Variants in ELOVL7 observed in about 807,000 individuals in gnomAD.
The protein encoded by ELOVL7 is ELOVL fatty acid elongase 7.
ELOVL7 carries 27 observed loss-of-function variants against 35.7 expected under a neutral mutation model. That is an observed-to-expected ratio of 0.76 (90% CI 0.56 to 1.04). The LOEUF (loss-of-function observed/expected upper bound fraction) is 1.04. Ranked by LOEUF, ELOVL7 falls within the 50% of genes least tolerant of loss-of-function variation. ELOVL7 has a pLI of 0.00. For synonymous variants in ELOVL7, 113 were observed against 114.6 expected (o/e 0.99, Z 0.09); for missense variants, 327 against 340.8 (o/e 0.96, Z 0.32).
At chr5:60,842,194 A>T (rs1747213375) in intron 1 of ELOVL7, among the ~76,000 whole-genome samples, 1 of 152,170 alleles carries the variant, frequency 6.6e-6, no homozygotes, top group Non-Finnish European at 1.5e-5. Flanking sequence ...TGAAGAGAGG[A>T]TGGGAGTGGG....
chr5:60,772,243 G>C, intron 3 of ELOVL7, 150 bp from the exon 4 acceptor site: 1 of 581,512 alleles, frequency 1.7e-6, no homozygotes, highest in South Asian at 2.5e-5. Context: ...AGGTGAAAAA[G>C]AAATCAACAG....
chr5:60,783,929 T>A (rs1233451216), intron 3 of ELOVL7, among the ~76,000 whole-genome samples: 1 of 152,084 alleles, frequency 6.6e-6, no homozygotes, highest in African/African-American at 2.4e-5. Flanking sequence ...AGATTTGGTT[T>A]AAGTGTCATG....
chr5:60,792,884 G>A (rs960945289), intron 2 of ELOVL7, among the ~76,000 whole-genome samples: 1 of 152,134 alleles, frequency 6.6e-6, no homozygotes, highest in Non-Finnish European at 1.5e-5. Flanking sequence ...CAAGAGAACT[G>A]GATAGAGAAG....
chr5:60,784,241 A>G, intron 3 of ELOVL7: 1 of 868,196 alleles, frequency 1.2e-6, no homozygotes, highest in Admixed American at 2.5e-5. Context: ...ATGTACCTTA[A>G]GTACTTTTTG....
At chr5:60,772,645 C>A (rs968651178) in intron 3 of ELOVL7, among the ~76,000 whole-genome samples, 1 of 152,144 alleles carries the variant, frequency 6.6e-6, no homozygotes, top group Non-Finnish European at 1.5e-5. Flanking sequence ...CCCAACTCCA[C>A]TCTCCTCCCT....
chr5:60,766,707 T>C (rs992469407), intron 5 of ELOVL7, 77 bp from the exon 6 acceptor site: 9 of 1,263,492 alleles, frequency 7.1e-6, no homozygotes, highest in Non-Finnish European at 5.7e-6. Flanking sequence ...TGGTAAAATA[T>C]GCATACCATA....
rs111592098 is a variant in ELOVL7, at chr5:60,787,741, A to G, written c.-34-310T>C. Among the ~76,000 whole-genome samples, 1,134 of 152,342 alleles carry G rather than the reference A, an allele frequency of 7.4e-3. 16 individuals are homozygous for G. Among genetic ancestry groups the G allele is most frequent in the African/African-American group, 0.025 (1,057 of 41,582 alleles). On this transcript the variant is annotated intron_variant, in intron 2 of 8. Transcript: ENST00000508821. ...GGAGCAGCTCCCTTTTATGCTGACA[A>G]CATAATTCAGGAACGGACTGCACTT...
At chr5:60,808,895 T>C (rs1375481151) in intron 1 of ELOVL7, among the ~76,000 whole-genome samples, 1 of 152,206 alleles carries the variant, frequency 6.6e-6, no homozygotes, top group Admixed American at 6.5e-5. Flanking sequence ...AATTCATCTA[T>C]GAAATTCTGG....
chr5:60,834,920 G>A (rs373880289), intron 1 of ELOVL7, among the ~76,000 whole-genome samples: 1 of 151,910 alleles, frequency 6.6e-6, no homozygotes, highest in Non-Finnish European at 1.5e-5. Flanking sequence ...GCTGGGCACA[G>A]TGGCTCACAC....
intron 3 of ELOVL7, among the ~76,000 whole-genome samples, chr5:60,779,481 A>T (rs111986178): frequency 0.026 from 3,925 of 152,266 alleles, 130 homozygotes; most frequent in African/African-American, 0.071. Flanking sequence ...CACCATGGAG[A>T]AGCTGCCAAA....
chr5:60,807,766 G>A (rs1369913058), intron 1 of ELOVL7, among the ~76,000 whole-genome samples: 7 of 151,858 alleles, frequency 4.6e-5, no homozygotes, highest in East Asian at 1.9e-4. Flanking sequence ...TTGGGAGGCC[G>A]AGGCAGGTGG....
In ELOVL7 at chr5:60,817,848, G is replaced by GTA. The variant is rs763735182; in HGVS notation, c.-85-18620_-85-18619dup. On this transcript the variant is annotated intron_variant, in intron 1 of 8. Transcript: ENST00000508821. Reference sequence around the variant, plus strand: ...TATATATATGTGTGTGTGTGTGTGTGTATATATATATATATATATACTTGC... The same window carrying GTA: ...TATATATATGTGTGTGTGTGTGTGTGTATATATATATATATATATATACTTGC... Among the ~76,000 whole-genome samples, 147 of 143,228 alleles carry GTA rather than the reference G, an allele frequency of 1.0e-3. 1 individual carries two copies. The highest frequency in any genetic ancestry group is 1.2e-3 in the Admixed American group (17 of 14,468). The allele number at this position is 143,228 out of a possible 152,430, so 94.0% of individuals were successfully genotyped here. A position where few individuals can be genotyped will look rare whatever the true frequency, so the allele number is the denominator to read the frequency against.
At chr5:60,757,753 AT>A in intron 7 of ELOVL7, 108 bp from the exon 8 acceptor site, 1 of 884,312 alleles carries the variant, frequency 1.1e-6, no homozygotes, top group South Asian at 2.8e-5. Context: ...TTGGAAAAAA[AT>A]ATATAAAATA....
rs188047953 is a variant in ELOVL7, at chr5:60,821,021, T to C, written c.-85-21791A>G. ...GCCCTATACAAAGTTCTCGGTAAAT[T>C]TGAGTAATAATTATAATTACTGCCT... On this transcript the variant is annotated intron_variant, in intron 1 of 8. Transcript: ENST00000508821. Among the ~76,000 whole-genome samples, 166 of 152,304 alleles carry C rather than the reference T, an allele frequency of 1.1e-3. 1 individual carries two copies. The highest frequency in any genetic ancestry group is 5.6e-3 in the Admixed American group (86 of 15,306).
intron 1 of ELOVL7, among the ~76,000 whole-genome samples, chr5:60,843,941 G>A (rs1747342231): frequency 6.6e-6 from 1 of 152,100 alleles, no homozygotes. Flanking sequence ...AGGCAGCGGG[G>A]ACAGAACTTC....
At chr5:60,837,473 C>T (rs1284963168) in intron 1 of ELOVL7, among the ~76,000 whole-genome samples, 1 of 152,020 alleles carries the variant, frequency 6.6e-6, no homozygotes, top group East Asian at 1.9e-4. Flanking sequence ...AAGAGAGATT[C>T]ATTGCAACTA....
intron 1 of ELOVL7, among the ~76,000 whole-genome samples, chr5:60,825,564 C>G (rs1047689070): frequency 6.6e-6 from 1 of 152,200 alleles, no homozygotes; most frequent in Non-Finnish European, 1.5e-5. Flanking sequence ...TCTTACCTCT[C>G]TGGCACCTGA....
intron 2 of ELOVL7, among the ~76,000 whole-genome samples, chr5:60,795,758 G>C (rs1271081212): frequency 6.6e-6 from 1 of 152,158 alleles, no homozygotes; most frequent in East Asian, 1.9e-4. Flanking sequence ...CATTGTTCCT[G>C]CATGGCTAAG....
intron 1 of ELOVL7, among the ~76,000 whole-genome samples, chr5:60,810,419 A>T (rs1424095618): frequency 6.6e-6 from 1 of 152,230 alleles, no homozygotes; most frequent in Non-Finnish European, 1.5e-5. Context: ...TTCTAAGCCC[A>T]CTGCTTATCT....
Sources: allele counts gnomAD v4.1 joint callset (sites outside exome capture counted in the v4.1 genomes callset), GRCh38; gene constraint gnomAD v4.1.1; transcripts MANE v1.5; gene names NCBI Gene and HGNC (gene_info 2026-07-23, HGNC 2026-07-21).